The following LOC400499 variants were observed in gnomAD, a reference collection of about 807,000 sequenced individuals.
At chr16:11,463,701 G>A in the LOC400499 span, among the ~76,000 whole-genome samples, 2 of 152,122 alleles carry the variant, frequency 1.3e-5, no homozygotes, top group African/African-American at 4.8e-5. Context: ...GAACAGATAT[G>A]TATATATGGA....
the LOC400499 span, among the ~76,000 whole-genome samples, chr16:11,499,809 GA>G: frequency 6.6e-6 from 1 of 152,156 alleles, no homozygotes; most frequent in Non-Finnish European, 1.5e-5. Flanking sequence ...ACAAGATGGG[GA>G]GTGACAGGTG....
chr16:11,436,061 C>G, the LOC400499 span, among the ~76,000 whole-genome samples: 1 of 152,206 alleles, frequency 6.6e-6, no homozygotes, highest in Non-Finnish European at 1.5e-5. Context: ...AGATAGCCTA[C>G]CCTGGCTCCA....
the LOC400499 span, among the ~76,000 whole-genome samples, chr16:11,448,617 C>T: frequency 2.0e-5 from 3 of 152,140 alleles, no homozygotes; most frequent in Non-Finnish European, 4.4e-5. Flanking sequence ...GTTCTAACTA[C>T]TTAGTAGGCT....
the LOC400499 span, chr16:11,402,336 C>G: frequency 2.5e-6 from 1 of 394,626 alleles, no homozygotes; most frequent in Non-Finnish European, 4.5e-6. Flanking sequence ...CTCGCTTTGT[C>G]ACCATTACCA....
At chr16:11,391,681 G>A in the LOC400499 span, 15 of 1,231,992 alleles carry the variant, frequency 1.2e-5, no homozygotes, top group South Asian at 4.1e-5. Context: ...AGCTCCTCCC[G>A]CAGCTGCTCC....
the LOC400499 span, among the ~76,000 whole-genome samples, chr16:11,505,727 G>C: frequency 1.3e-5 from 2 of 151,950 alleles, no homozygotes; most frequent in Non-Finnish European, 2.9e-5. Context: ...GTGTTTACAG[G>C]TGTGAGCCAC....
At chr16:11,383,603 CCAGACGGGG>C in the LOC400499 span, 3 of 1,232,156 alleles carry the variant, frequency 2.4e-6, no homozygotes, top group Non-Finnish European at 3.0e-6. Flanking sequence ...AAGGCAGATG[CCAGACGGGG>C]CAGAGTGCTA....
chr16:11,486,014 G>C, the LOC400499 span, among the ~76,000 whole-genome samples: 14 of 152,176 alleles, frequency 9.2e-5, no homozygotes, highest in Non-Finnish European at 1.8e-4. Flanking sequence ...TGGATGGATG[G>C]GTGGGTGGGT....
chr16:11,384,898 G>C, the LOC400499 span: 2 of 1,232,316 alleles, frequency 1.6e-6, no homozygotes, highest in Non-Finnish European at 2.0e-6. Flanking sequence ...CGTGCTGCCA[G>C]AGGCCCAGAG....
the LOC400499 span, chr16:11,372,599 G>T: frequency 3.2e-6 from 1 of 315,302 alleles, no homozygotes; most frequent in Non-Finnish European, 4.6e-6. Flanking sequence ...AGCACGTGCG[G>T]TTCTGAGTTT....
At chr16:11,448,240 C>G in the LOC400499 span, among the ~76,000 whole-genome samples, 1 of 152,208 alleles carries the variant, frequency 6.6e-6, no homozygotes, top group Non-Finnish European at 1.5e-5. Context: ...CCTGATCAGA[C>G]CACAGGATCC....
At chr16:11,406,096 G>A in the LOC400499 span, among the ~76,000 whole-genome samples, 2 of 150,598 alleles carry the variant, frequency 1.3e-5, no homozygotes, top group South Asian at 2.1e-4. Context: ...TGGGGACTGG[G>A]CTTCCAGCGT....
the LOC400499 span, among the ~76,000 whole-genome samples, chr16:11,505,075 G>C: frequency 8.6e-4 from 130 of 151,804 alleles, no homozygotes; most frequent in African/African-American, 3.1e-3. Flanking sequence ...CTCAGTAGCA[G>C]AGCAGACACT....
At chr16:11,450,605 T>C in the LOC400499 span, 1 of 1,535,776 alleles carries the variant, frequency 6.5e-7, no homozygotes, top group Non-Finnish European at 8.7e-7. Flanking sequence ...CGAGCACTGC[T>C]CACCCGGAGG....
chr16:11,487,982 T>C, the LOC400499 span, among the ~76,000 whole-genome samples: 10 of 152,086 alleles, frequency 6.6e-5, no homozygotes, highest in East Asian at 1.9e-3. Flanking sequence ...CCGGGCATGG[T>C]GGTGCGCGCC....
At chr16:11,402,473 A>G in the LOC400499 span, among the ~76,000 whole-genome samples, 1 of 152,172 alleles carries the variant, frequency 6.6e-6, no homozygotes. Context: ...AATAAAATTC[A>G]GCAAAGTTGA....
chr16:11,503,438 G>C, the LOC400499 span, among the ~76,000 whole-genome samples: 1 of 152,158 alleles, frequency 6.6e-6, no homozygotes, highest in South Asian at 2.1e-4. Flanking sequence ...CAAAGCCACA[G>C]AAACAGCAAC....
chr16:11,502,920 T>TTTTTTTC, the LOC400499 span, among the ~76,000 whole-genome samples: 6 of 139,954 alleles, frequency 4.3e-5, no homozygotes, highest in African/African-American at 1.6e-4. Flanking sequence ...GGACCACCTT[T>TTTTTTTC]TTTTTTTTTT....
At chr16:11,507,704 G>A in the LOC400499 span, among the ~76,000 whole-genome samples, 2 of 152,168 alleles carry the variant, frequency 1.3e-5, no homozygotes. Flanking sequence ...AGCTGAGGTG[G>A]GAGGACTGTT....
Sources: gnomAD v4.1 joint callset for allele counts (sites outside exome capture counted in the v4.1 genomes callset) on GRCh38, gnomAD v4.1.1 for gene constraint, MANE v1.5 for transcripts.